COL10A1: variants seen among roughly 807,000 people sequenced by gnomAD.
COL10A1 encodes collagen type X alpha 1 chain.
A neutral mutation model predicts 18.2 loss-of-function variants in COL10A1; 10 were observed. The observed-to-expected ratio is 0.55, with a 90% confidence interval of 0.34 to 0.93. The LOEUF (loss-of-function observed/expected upper bound fraction) is 0.93. Ranked by LOEUF, COL10A1 falls within the 40% of genes least tolerant of loss-of-function variation. COL10A1 has a pLI of 0.02. For missense variants in COL10A1, 897 were observed against 853.5 expected, an observed-to-expected ratio of 1.05 and a Z score of -0.64; for synonymous variants, 330 against 316.6, an observed-to-expected ratio of 1.04 and a Z score of -0.45.
the COL10A1 span, among the ~76,000 whole-genome samples, chr6:116,214,982 G>T: frequency 6.6e-6 from 1 of 151,994 alleles, no homozygotes; most frequent in African/African-American, 2.4e-5. Context: ...CTAGGGTGGG[G>T]GGCATAGGAA....
At chr6:116,123,307 A>G (rs1325227798) in intron 2 of COL10A1, among the ~76,000 whole-genome samples, 5 of 152,208 alleles carry the variant, frequency 3.3e-5, no homozygotes, top group Non-Finnish European at 7.3e-5. Context: ...ATGGGTCTCA[A>G]CTTCTCAGTG....
At chr6:116,135,785 A>C (rs1779575514) in intron 1 of COL10A1, among the ~76,000 whole-genome samples, 1 of 147,776 alleles carries the variant, frequency 6.8e-6, no homozygotes, top group South Asian at 2.1e-4. Context: ...ATTGAGTTAT[A>C]AGTGATAAAT....
chr6:116,158,370 GA>G lies in COL10A1; in HGVS notation c.-16+243del, dbSNP rs530173298. 3.0e-3 allele frequency among the ~76,000 whole-genome samples: 444 copies of G among 146,080 alleles called. 8 individuals carry two copies. The highest frequency in any genetic ancestry group is 1.9e-3 in the South Asian group (9 of 4,646). ...CTACTCAAGCTTCTCTTCAAATCCA[GA>G]AAAAAAAAAGTATTGAGTTTATAAA... On this transcript the variant is annotated intron_variant, in intron 1 of 1. Transcript: ENST00000418500.
At chr6:116,149,721 G>A (rs1218887391) in intron 1 of COL10A1, among the ~76,000 whole-genome samples, 1 of 152,094 alleles carries the variant, frequency 6.6e-6, no homozygotes, top group Non-Finnish European at 1.5e-5. Context: ...TAGAGATTGG[G>A]GTAGAACTTT....
At chr6:116,154,566 T>G (rs553674330) in intron 1 of COL10A1, among the ~76,000 whole-genome samples, 4 of 152,282 alleles carry the variant, frequency 2.6e-5, no homozygotes, top group African/African-American at 9.6e-5. Context: ...ATTTGCTTTT[T>G]TAAAAAATGC....
intron 1 of COL10A1, among the ~76,000 whole-genome samples, chr6:116,147,456 A>T (rs552906450): frequency 5.9e-5 from 9 of 152,204 alleles, no homozygotes; most frequent in East Asian, 3.9e-4. Flanking sequence ...AAGAAAAAAA[A>T]AATAAAAAGA....
At chr6:116,181,411 G>T in the COL10A1 span, among the ~76,000 whole-genome samples, 1 of 151,978 alleles carries the variant, frequency 6.6e-6, no homozygotes, top group Admixed American at 6.6e-5. Flanking sequence ...AATAATTTAT[G>T]ATTATTTCAG....
intron 1 of COL10A1, 39 bp from the exon 2 acceptor site, chr6:116,125,546 A>G: frequency 6.3e-7 from 1 of 1,582,266 alleles, no homozygotes; most frequent in Non-Finnish European, 8.7e-7. Flanking sequence ...CAGCATTGTT[A>G]TTAACCTATT....
the COL10A1 span, among the ~76,000 whole-genome samples, chr6:116,184,631 G>C: frequency 6.6e-6 from 1 of 151,974 alleles, no homozygotes. Context: ...TATATTTCCA[G>C]GAATTTATCC....
the COL10A1 span, among the ~76,000 whole-genome samples, chr6:116,168,478 T>G: frequency 6.6e-6 from 1 of 152,150 alleles, no homozygotes; most frequent in African/African-American, 2.4e-5. Flanking sequence ...AAAATCTTGA[T>G]TTTATTTTAG....
the COL10A1 span, among the ~76,000 whole-genome samples, chr6:116,197,570 A>C: frequency 6.6e-6 from 1 of 152,072 alleles, no homozygotes; most frequent in South Asian, 2.1e-4. Flanking sequence ...TGCAGATAGA[A>C]GACAGTATAA....
At chr6:116,190,862 T>C in the COL10A1 span, among the ~76,000 whole-genome samples, 1 of 152,018 alleles carries the variant, frequency 6.6e-6, no homozygotes, top group African/African-American at 2.4e-5. Context: ...TTCGTTGGGA[T>C]GGGTTCTGTG....
chr6:116,186,435 T>TG, the COL10A1 span, among the ~76,000 whole-genome samples: 1 of 152,014 alleles, frequency 6.6e-6, no homozygotes, highest in Non-Finnish European at 1.5e-5. Context: ...CTAGCAAGGC[T>TG]GGGGAAGTTG....
At chr6:116,208,985 T>C in the COL10A1 span, among the ~76,000 whole-genome samples, 1 of 152,030 alleles carries the variant, frequency 6.6e-6, no homozygotes, top group Non-Finnish European at 1.5e-5. Context: ...TGTCTTTCAT[T>C]AGTTTGATCA....
intron 1 of COL10A1, among the ~76,000 whole-genome samples, chr6:116,145,210 T>A (rs1199933286): frequency 7.2e-5 from 11 of 152,158 alleles, no homozygotes; most frequent in Non-Finnish European, 4.4e-5. Context: ...AGAGGACAAC[T>A]GATAACAGCT....
chr6:116,174,953 C>A, the COL10A1 span, among the ~76,000 whole-genome samples: 2 of 152,014 alleles, frequency 1.3e-5, no homozygotes, highest in Non-Finnish European at 2.9e-5. Flanking sequence ...ATTTTGTCTC[C>A]TTTTCTTAAG....
chr6:116,165,721 C>T, the COL10A1 span, among the ~76,000 whole-genome samples: 7 of 152,146 alleles, frequency 4.6e-5, no homozygotes, highest in Admixed American at 1.3e-4. Context: ...CTTAGTGGGC[C>T]GCACTTCCCC....
chr6:116,121,356 G>C lies in COL10A1; in HGVS notation c.760C>G (p.Pro254Ala). 4 of 1,614,042 alleles carry C rather than the reference G, an allele frequency of 2.5e-6. No homozygotes were observed. In the South Asian group the frequency reaches 3.3e-5, roughly 13 times the overall value. ...CCTTCTGGCCCTCGTTCCCCAGGAG[G>C]GCCTTGGGGACCTGGTGGGCCAATT... ...GPIGPPGPQG[P>A]PGERGPEGIG... Residue 254 changes from proline to alanine, a missense_variant, in exon 3 of 3, where the codon CCT (proline) becomes GCT (alanine). Pro to Ala is a conservative substitution (Grantham distance 27). Coordinates refer to ENST00000651968, the MANE Select transcript of COL10A1 (RefSeq NM_000493.4).
In COL10A1 at chr6:116,155,880, G is replaced by A. The variant is rs1030698991; in HGVS notation, c.-16+2734C>T. On this transcript the variant is annotated intron_variant, in intron 1 of 1. Coordinates refer to the COL10A1 transcript ENST00000418500. The stretch of plus-strand genomic sequence containing the variant: ...TTTTATGCTATCTTTTATATAAATG[G>A]AAGTGGAGGTAGTGTTTATACAAAA... Among the ~76,000 whole-genome samples, 4 of 151,850 alleles carry A rather than the reference G, an allele frequency of 2.6e-5. No individual in the cohort carries two copies. The East Asian group carries it at 7.7e-4, about 29-fold the overall frequency.
Sources: allele counts gnomAD v4.1 joint callset (sites outside exome capture counted in the v4.1 genomes callset), GRCh38; gene constraint gnomAD v4.1.1; transcripts MANE v1.5; gene names NCBI Gene and HGNC (gene_info 2026-07-23, HGNC 2026-07-21).